BBS9: variants seen among roughly 807,000 people sequenced by gnomAD.
The protein encoded by BBS9 is protein PTHB1.
A neutral mutation model predicts 117.7 loss-of-function variants in BBS9; 89 were observed. The ratio of observed to expected loss-of-function variants is 0.76; its 90% CI spans 0.64 to 0.90. The LOEUF is 0.90. Among genes scored for constraint, BBS9 ranks in the 40% least tolerant of loss-of-function variants. BBS9 has a pLI of 0.00. For missense variants in BBS9, 982 were observed against 1,042.2 expected, an observed-to-expected ratio of 0.94 and a Z score of 0.80; for synonymous variants, 379 against 370.9, an observed-to-expected ratio of 1.02 and a Z score of -0.25.
chr7:33,277,408 C>T (rs1190863282), intron 9 of BBS9, among the ~76,000 whole-genome samples: 1 of 152,118 alleles, frequency 6.6e-6, no homozygotes, highest in Non-Finnish European at 1.5e-5. Context: ...ATATGAGGGA[C>T]AATTGAATAA....
downstream of BBS9, among the ~76,000 whole-genome samples, chr7:33,609,623 T>TA (rs999585383): frequency 5.3e-5 from 8 of 152,170 alleles, no homozygotes; most frequent in African/African-American, 1.9e-4. Flanking sequence ...ACTGGAATCT[T>TA]ACTGCTTCTG....
intron 6 of BBS9, among the ~76,000 whole-genome samples, chr7:33,259,525 T>C (rs1797618976): frequency 1.3e-5 from 2 of 152,114 alleles, no homozygotes; most frequent in Non-Finnish European, 2.9e-5. Context: ...AGTAAGAGAA[T>C]TGTTTGCCCT....
intron 5 of BBS9, among the ~76,000 whole-genome samples, chr7:33,203,023 C>T (rs920255707): frequency 6.6e-6 from 1 of 152,190 alleles, no homozygotes; most frequent in Admixed American, 6.5e-5. Flanking sequence ...TTGCCAAGGG[C>T]TCCAAGTGGC....
At chr7:33,626,035 A>C (rs769725736) in intron 21 of BBS9, among the ~76,000 whole-genome samples, 1 of 152,154 alleles carries the variant, frequency 6.6e-6, no homozygotes. Flanking sequence ...TTCACATTGA[A>C]TTGTAATTCT....
intron 15 of BBS9, among the ~76,000 whole-genome samples, chr7:33,355,298 A>G (rs571849637): frequency 3.4e-4 from 51 of 152,148 alleles, no homozygotes; most frequent in Middle Eastern, 6.8e-3. Flanking sequence ...AGGTTTCCTA[A>G]GAAGGTGTAA....
chr7:33,528,431 C>G (rs1191095640), intron 20 of BBS9, among the ~76,000 whole-genome samples: 1 of 151,694 alleles, frequency 6.6e-6, no homozygotes, highest in Non-Finnish European at 1.5e-5. Context: ...TGTGGTTTTT[C>G]CCTATACCAC....
intron 9 of BBS9, among the ~76,000 whole-genome samples, chr7:33,331,697 C>T (rs1392887235): frequency 3.3e-5 from 5 of 150,166 alleles, no homozygotes; most frequent in African/African-American, 1.2e-4. Flanking sequence ...ACACAACTCC[C>T]CCCAAAAAAC....
intron 19 of BBS9, among the ~76,000 whole-genome samples, chr7:33,475,678 C>T (rs1296774258): frequency 6.6e-6 from 1 of 152,052 alleles, no homozygotes; most frequent in East Asian, 1.9e-4. Context: ...CTGATTTCTC[C>T]CTCTCCCTTA....
chr7:33,270,672 A>G (rs1799641265), intron 7 of BBS9, among the ~76,000 whole-genome samples: 1 of 152,226 alleles, frequency 6.6e-6, no homozygotes, highest in Non-Finnish European at 1.5e-5. Context: ...AAGAAAAAAG[A>G]TAAGAAATGA....
intron 19 of BBS9, among the ~76,000 whole-genome samples, chr7:33,497,432 G>T (rs1844883799): frequency 6.6e-6 from 1 of 152,114 alleles, no homozygotes; most frequent in African/African-American, 2.4e-5. Context: ...GGGCATGTTG[G>T]GGTCTTATCA....
chr7:33,594,416 TCAATGTGGTCAGCATTG>T (rs1862405261), intron 21 of BBS9, among the ~76,000 whole-genome samples: 1 of 91,854 alleles, frequency 1.1e-5, no homozygotes, highest in Non-Finnish European at 2.1e-5. Flanking sequence ...GTTGTCTCTG[TCAATGTGGTCAGCATTG>T]TTTTGCAAAA....
chr7:33,184,560 G>A (rs2128178995), intron 5 of BBS9, among the ~76,000 whole-genome samples: 1 of 152,186 alleles, frequency 6.6e-6, no homozygotes, highest in South Asian at 2.1e-4. Context: ...TTATTAAGAG[G>A]GTCATTTAAC....
chr7:33,546,172 A>G (rs867149190), intron 21 of BBS9, among the ~76,000 whole-genome samples: 1 of 151,980 alleles, frequency 6.6e-6, no homozygotes. Context: ...TGACCTCGTG[A>G]TCCGCCCACC....
rs1343018418 is a variant in BBS9, at chr7:33,515,213, TTA to T, written c.2298+9569_2298+9570del. Among the ~76,000 whole-genome samples, 3 of 152,196 alleles carry T rather than the reference TTA, an allele frequency of 2.0e-5. No individual in the cohort carries two copies. The East Asian group carries it at 5.8e-4, about 29-fold the overall frequency. On this transcript the variant is annotated intron_variant, in intron 20 of 22. Coordinates refer to ENST00000242067, the MANE Select transcript of BBS9 (RefSeq NM_198428.3). ...TTTGAAAGAGCTCTCTTAGACTTAT[TTA>T]GACATACATTTTATCATACATTACT...
intron 7 of BBS9, among the ~76,000 whole-genome samples, chr7:33,265,314 T>C (rs778639489): frequency 2.6e-5 from 4 of 151,926 alleles, no homozygotes; most frequent in South Asian, 2.1e-4. Context: ...GAGTCAAGAA[T>C]CAGATGAAGA....
chr7:33,620,886 C>G (rs1865372065), intron 21 of BBS9, among the ~76,000 whole-genome samples: 1 of 152,120 alleles, frequency 6.6e-6, no homozygotes, highest in Non-Finnish European at 1.5e-5. Flanking sequence ...GCAATAAATA[C>G]AGAAACACTG....
intron 21 of BBS9, among the ~76,000 whole-genome samples, chr7:33,556,207 G>A (rs756724457): frequency 3.9e-5 from 6 of 152,148 alleles, no homozygotes; most frequent in Non-Finnish European, 7.4e-5. Flanking sequence ...TTTATTAACA[G>A]GAAGTGAATT....
chr7:33,501,935 G>A (rs1175231458), intron 19 of BBS9, among the ~76,000 whole-genome samples: 2 of 148,854 alleles, frequency 1.3e-5, no homozygotes, highest in Non-Finnish European at 3.0e-5. Context: ...TTTTTGAGAT[G>A]GAGTCTCACT....
chr7:33,374,115 A>G (rs1823363458), intron 17 of BBS9, among the ~76,000 whole-genome samples: 1 of 152,326 alleles, frequency 6.6e-6, no homozygotes, highest in African/African-American at 2.4e-5. Flanking sequence ...TGATGTGCTT[A>G]TAGAAGCATG....
Sources: allele counts gnomAD v4.1 joint callset (sites outside exome capture counted in the v4.1 genomes callset), GRCh38; gene constraint gnomAD v4.1.1; transcripts MANE v1.5; gene names NCBI Gene and HGNC (gene_info 2026-07-23, HGNC 2026-07-21).